The following UTP20 variants were observed in gnomAD, a reference collection of about 807,000 sequenced individuals.
UTP20 encodes the protein small subunit processome component 20 homolog.
A neutral mutation model predicts 329.5 loss-of-function variants in UTP20; 164 were observed. That is an observed-to-expected ratio of 0.50 (90% CI 0.44 to 0.57). The LOEUF is 0.57. Ranked by LOEUF, UTP20 falls within the 20% of genes least tolerant of loss-of-function variation. The pLI is 0.00. For synonymous variants in UTP20, 1,151 were observed against 1,159.3 expected (o/e 0.99, Z 0.14); for missense variants, 3,055 against 3,284.2 (o/e 0.93, Z 1.71).
In UTP20 at chr12:101,373,403, A is replaced by T; in HGVS notation, c.6881A>T (p.Tyr2294Phe). 6.2e-7 allele frequency: 1 copy of T among 1,614,020 alleles called. No individual in the cohort carries two copies. The highest frequency in any genetic ancestry group is 8.5e-7 in the Non-Finnish European group (1 of 1,179,846). ...NLEFMLAQLN[Y>F]EHETGRESTL... ...TCCACCTAATGTCCTTCCCCTAGTT[A>T]CGAACATGAGACCGGGAGAGAGTCC... Residue 2294 changes from tyrosine (Y) to phenylalanine (F), a missense_variant and splice_region_variant, in exon 53 of 62, where the codon TAC (tyrosine) becomes TTC (phenylalanine). Physicochemically the swap from Tyr to Phe is conservative, Grantham distance 22 (BLOSUM62 3). This residue lies in a region of UTP20 where 273 missense variants were observed against 363.1 expected (regional missense o/e 0.75). Transcript: ENST00000261637.
At chr12:101,358,917 A>G (rs1021993032) in intron 43 of UTP20, among the ~76,000 whole-genome samples, 3 of 152,150 alleles carry the variant, frequency 2.0e-5, no homozygotes, top group African/African-American at 7.2e-5. Context: ...TGTTTTTCTC[A>G]GGCTGCTTTA....
intron 45 of UTP20, among the ~76,000 whole-genome samples, chr12:101,364,736 G>A (rs998303039): frequency 6.6e-6 from 1 of 152,090 alleles, no homozygotes; most frequent in African/African-American, 2.4e-5. Flanking sequence ...TAAATGTTCT[G>A]GTGCTAGATG....
At chr12:101,335,250 T>G (rs1239160170) in intron 29 of UTP20, among the ~76,000 whole-genome samples, 1 of 150,078 alleles carries the variant, frequency 6.7e-6, no homozygotes, top group Non-Finnish European at 1.5e-5. Context: ...ATGAAAATTT[T>G]AGAGTATGTA....
At chr12:101,289,358 C>T (rs1447895352) in intron 6 of UTP20, among the ~76,000 whole-genome samples, 1 of 148,784 alleles carries the variant, frequency 6.7e-6, no homozygotes, top group African/African-American at 2.5e-5. Flanking sequence ...GCCTAGGCGA[C>T]AGAGCAAGAC....
intron 29 of UTP20, among the ~76,000 whole-genome samples, chr12:101,335,229 CT>C (rs113869646): frequency 0.027 from 4,145 of 152,000 alleles, 166 homozygotes; most frequent in African/African-American, 0.095. Flanking sequence ...AAAATAACAT[CT>C]TGCAAAGTAA....
At chr12:101,358,629 T>C (rs1462055343) in intron 43 of UTP20, among the ~76,000 whole-genome samples, 2 of 152,236 alleles carry the variant, frequency 1.3e-5, no homozygotes, top group East Asian at 1.9e-4. Context: ...CTGAAACATA[T>C]TGTTGCTGGA....
At chr12:101,285,502 T>C in intron 2 of UTP20, 68 bp from the exon 3 acceptor site, 1 of 1,485,186 alleles carries the variant, frequency 6.7e-7, no homozygotes, top group African/African-American at 1.4e-5. Context: ...AATATATCAT[T>C]ATTCTATTTA....
In UTP20 at chr12:101,280,182, A is replaced by T; in HGVS notation, c.-101A>T. 2 of 1,429,134 alleles carry T rather than the reference A, an allele frequency of 1.4e-6. No homozygotes were observed. Among genetic ancestry groups the T allele is most frequent in the Non-Finnish European group, 1.9e-6 (2 of 1,050,466 alleles). 88.5% of individuals were successfully genotyped at this position (1,429,134 alleles called of 1,614,324 possible). On this transcript the variant is annotated 5_prime_UTR_variant, in exon 1 of 62. Coordinates refer to ENST00000261637, the MANE Select transcript of UTP20 (RefSeq NM_014503.3). Reference sequence around the variant, plus strand: ...ACGTGAGAAAGTCTGGGCATCTGGGAATCGGAGAGTATAGCCTGTGAGCCG... The same window carrying T: ...ACGTGAGAAAGTCTGGGCATCTGGGTATCGGAGAGTATAGCCTGTGAGCCG...
chr12:101,345,830 A>G (rs963541205), intron 37 of UTP20, 136 bp downstream of exon 37: 1 of 793,152 alleles, frequency 1.3e-6, no homozygotes, highest in East Asian at 2.8e-5. Flanking sequence ...TATGATCATC[A>G]TTGAAATTTG....
intron 54 of UTP20, among the ~76,000 whole-genome samples, chr12:101,374,244 A>T (rs1870400522): frequency 6.6e-6 from 1 of 152,094 alleles, no homozygotes; most frequent in Non-Finnish European, 1.5e-5. Context: ...CAAAAAAAAA[A>T]AAAATAAATA....
At chr12:101,289,974 C>T (rs1253316337) in intron 6 of UTP20, 163 bp from the exon 7 acceptor site, 1 of 462,284 alleles carries the variant, frequency 2.2e-6, no homozygotes, top group Non-Finnish European at 3.6e-6. Context: ...CAAGTGAGAA[C>T]ACACTATTAG....
In UTP20 at chr12:101,354,811, TTTG is replaced by T. The variant is rs746506519; in HGVS notation, c.5108-15_5108-13del. ...TTTCATTATTTGCTTTAAGGTGACT[TTTG>T]TTGTTTATTAAACATAGACGCAATT... On this transcript the variant is annotated intron_variant, in intron 40 of 61. Coordinates refer to ENST00000261637, the MANE Select transcript of UTP20 (RefSeq NM_014503.3). 192 of 1,602,474 alleles carry T rather than the reference TTTG, an allele frequency of 1.2e-4. 1 individual carries two copies. In the South Asian group the frequency reaches 1.3e-3, roughly 11 times the overall value.
At chr12:101,295,133 T>G (rs992649316) in intron 11 of UTP20, among the ~76,000 whole-genome samples, 1 of 152,216 alleles carries the variant, frequency 6.6e-6, no homozygotes, top group Non-Finnish European at 1.5e-5. Context: ...TCTCTTCTTC[T>G]TATAGTTTAG....
Position 101,327,213 on chromosome 12 carries a change from C to T in UTP20, c.3174C>T (p.Asp1058=). Residue 1058 remains aspartate (D), a synonymous_variant, in exon 26 of 62, where the codon GAC becomes GAT. Transcript: ENST00000261637. ...TQPEEIQIFL[D]LLFEPVRHFK... ...CTGAGGAGATCCAGATATTCTTAGA[C>T]CTGCTGTTTGAACCTGTGAGGCATT... The T allele has an allele frequency of 6.2e-7, 1 of 1,605,976 alleles. No homozygotes were observed. The highest frequency in any genetic ancestry group is 8.5e-7 in the Non-Finnish European group (1 of 1,173,446).
In UTP20 at chr12:101,367,981, G is replaced by A. The variant is rs1227028092; in HGVS notation, c.6384+5G>A. The A allele has an allele frequency of 1.9e-6, 3 of 1,575,418 alleles. No homozygotes were observed. In the East Asian group the frequency reaches 6.7e-5, roughly 35 times the overall value. ...CTGGGCTCCATGGATGTGAAGGTAAGCATCGGTTTGCACTCTGCATTGGAG... is the reference window on the plus strand; with the variant it reads ...CTGGGCTCCATGGATGTGAAGGTAAACATCGGTTTGCACTCTGCATTGGAG... On this transcript the variant is annotated splice_donor_5th_base_variant and intron_variant, in intron 48 of 61. Transcript: ENST00000261637.
Position 101,288,943 on chromosome 12 carries a change from A to AT in UTP20, c.516-10dup, listed in dbSNP as rs772911142. 8.1e-6 allele frequency: 13 copies of AT among 1,598,134 alleles called. No individual in the cohort carries two copies. The African/African-American group carries it at 1.5e-4, about 18-fold the overall frequency. The stretch of plus-strand genomic sequence containing the variant: ...TTATATGATTAATGAAATGTATCTT[A>AT]TTTTTTTCATGTATAGCATGTACAG... On this transcript the variant is annotated splice_polypyrimidine_tract_variant and intron_variant, in intron 5 of 61. Transcript: ENST00000261637.
In UTP20 at chr12:101,300,047, G is replaced by T; in HGVS notation, c.1661G>T (p.Gly554Val). 6.2e-7 allele frequency: 1 copy of T among 1,614,130 alleles called. No individual in the cohort carries two copies. The highest frequency in any genetic ancestry group is 8.5e-7 in the Non-Finnish European group (1 of 1,179,968). The part of the protein sequence containing the change: ...IEALFMTVDK[G>V]SFGKGNLFVL... ...GCACTCTTCATGACTGTTGACAAAG[G>T]AAGCTTTGGGAAAGGTCAGTTACAA... The change falls in exon 14 of 62, where the codon GGA becomes GTA. Residue 554 changes from glycine to valine, a missense_variant. Physicochemically the swap from Gly to Val is moderately radical, Grantham distance 109. This residue lies in a region of UTP20 where 2,445 missense variants were observed against 2,575.5 expected (regional missense o/e 0.95). Coordinates refer to ENST00000261637, the MANE Select transcript of UTP20 (RefSeq NM_014503.3).
At chr12:101,280,853 T>A (rs1394359170) in intron 1 of UTP20, among the ~76,000 whole-genome samples, 1 of 152,228 alleles carries the variant, frequency 6.6e-6, no homozygotes, top group South Asian at 2.1e-4. Context: ...GCGAGACTAA[T>A]TGCCAGCATC....
intron 27 of UTP20, among the ~76,000 whole-genome samples, chr12:101,332,538 T>C (rs1868794734): frequency 6.6e-6 from 1 of 152,210 alleles, no homozygotes; most frequent in Admixed American, 6.5e-5. Context: ...TGTGATTTTA[T>C]AACTCACAGC....
Sources: gnomAD v4.1 joint callset for allele counts (sites outside exome capture counted in the v4.1 genomes callset) on GRCh38, gnomAD v4.1.1 for gene constraint, gnomAD v4.1.1 regional missense constraint, MANE v1.5 for transcripts, NCBI Gene and HGNC (gene_info 2026-07-23, HGNC 2026-07-21) for gene names.